Variants in TLN2 observed in about 807,000 individuals in gnomAD.
TLN2 encodes the protein talin-2.
TLN2 carries 118 observed loss-of-function variants against 294.7 expected under a neutral mutation model. The observed-to-expected ratio is 0.40, with a 90% confidence interval of 0.34 to 0.47. The LOEUF is 0.47. Ranked by LOEUF, TLN2 falls within the 20% of genes least tolerant of loss-of-function variation. The probability of loss-of-function intolerance (pLI) is 0.84; values close to 1 mark genes in which losing one functional copy is unlikely to be tolerated. For missense variants in TLN2, 3,083 were observed against 3,282.2 expected (o/e 0.94, Z 1.48); for synonymous variants, 1,431 against 1,304.5 (o/e 1.10, Z -2.09).
intron 54 of TLN2, among the ~76,000 whole-genome samples, chr15:62,825,777 ATATAT>A (rs1436243488): frequency 9.3e-4 from 23 of 24,654 alleles, no homozygotes; most frequent in African/African-American, 3.2e-3. Flanking sequence ...ATATTATATA[ATATAT>A]TATATATTAT....
At chr15:62,653,022 A>T in intron 6 of TLN2, 140 bp from the exon 7 acceptor site, 1 of 531,420 alleles carries the variant, frequency 1.9e-6, no homozygotes. Flanking sequence ...TGATGTGGCC[A>T]CCTCCCTGAC....
At chr15:62,563,228 C>G (rs1456247327) in intron 1 of TLN2, among the ~76,000 whole-genome samples, 1 of 151,900 alleles carries the variant, frequency 6.6e-6, no homozygotes, top group Non-Finnish European at 1.5e-5. Context: ...TAGAAGTGCT[C>G]CCTGTTCACC....
At chr15:62,411,913 T>A (rs1355501862) in intron 1 of TLN2, among the ~76,000 whole-genome samples, 2 of 152,214 alleles carry the variant, frequency 1.3e-5, no homozygotes, top group African/African-American at 4.8e-5. Flanking sequence ...GGGATGTGGA[T>A]GAACTAGTTC....
At chr15:62,404,027 A>C (rs2033220910) in intron 1 of TLN2, among the ~76,000 whole-genome samples, 1 of 152,148 alleles carries the variant, frequency 6.6e-6, no homozygotes. Flanking sequence ...ATTCTTAATG[A>C]TTGATGAAGG....
intron 1 of TLN2, among the ~76,000 whole-genome samples, chr15:62,456,211 C>G (rs1319159076): frequency 6.6e-6 from 1 of 152,166 alleles, no homozygotes; most frequent in Non-Finnish European, 1.5e-5. Context: ...TGAGTCAGAT[C>G]TAAATATCCA....
At position 62,559,547 on chromosome 15, in the gene TLN2, G is replaced by A. The variant is rs548541009; in HGVS notation, c.-237-30140G>A. On this transcript the variant is annotated intron_variant, in intron 1 of 58. Coordinates refer to ENST00000636159, the MANE Select transcript of TLN2 (RefSeq NM_015059.3). ...ATATCACTAGCACTTTCTTGTGCTCGTGCCACCTATTCTGCAACTATCTAA... is the reference window on the plus strand; with the variant it reads ...ATATCACTAGCACTTTCTTGTGCTCATGCCACCTATTCTGCAACTATCTAA... Among the ~76,000 whole-genome samples the A allele has an allele frequency of 4.7e-4, 71 of 152,266 alleles. No homozygotes were observed. In the South Asian group the frequency reaches 0.014, roughly 30 times the overall value.
chr15:62,450,248 A>C (rs1317121157), intron 1 of TLN2, among the ~76,000 whole-genome samples: 2 of 152,154 alleles, frequency 1.3e-5, no homozygotes, highest in African/African-American at 4.8e-5. Context: ...TGGATGGAGC[A>C]TGAGCGGGGA....
At chr15:62,468,325 TG>T (rs980583272) in intron 1 of TLN2, among the ~76,000 whole-genome samples, 2 of 152,160 alleles carry the variant, frequency 1.3e-5, no homozygotes, top group African/African-American at 4.8e-5. Flanking sequence ...GTGTTGGCTG[TG>T]GGGTCCATGT....
chr15:62,706,722 G>C (rs2059097117), intron 19 of TLN2, among the ~76,000 whole-genome samples: 1 of 152,154 alleles, frequency 6.6e-6, no homozygotes, highest in African/African-American at 2.4e-5. Flanking sequence ...TGTGGCATCT[G>C]GATATGTTTT....
chr15:62,561,611 A>G (rs949926882), intron 1 of TLN2: 1 of 152,214 alleles, frequency 6.6e-6, no homozygotes, highest in African/African-American at 2.4e-5. Context: ...AACATTTCCA[A>G]GCACTAATGA....
intron 2 of TLN2, among the ~76,000 whole-genome samples, chr15:62,607,701 G>A (rs934799626): frequency 3.3e-5 from 5 of 152,164 alleles, no homozygotes; most frequent in Non-Finnish European, 5.9e-5. Context: ...TGACCCCTGT[G>A]TGGAAAAGGC....
intron 4 of TLN2, among the ~76,000 whole-genome samples, chr15:62,648,646 T>C (rs2052218025): frequency 6.6e-6 from 1 of 150,994 alleles, no homozygotes; most frequent in African/African-American, 2.4e-5. Context: ...CTTCCGAGTT[T>C]AAGCGATTCT....
intron 1 of TLN2, among the ~76,000 whole-genome samples, chr15:62,538,975 G>A (rs1374948142): frequency 6.6e-6 from 1 of 152,160 alleles, no homozygotes; most frequent in Non-Finnish European, 1.5e-5. Context: ...AGATCTTAAA[G>A]TATAGTAGCT....
intron 13 of TLN2, among the ~76,000 whole-genome samples, chr15:62,693,744 C>A (rs943681220): frequency 5.9e-5 from 9 of 152,144 alleles, no homozygotes; most frequent in African/African-American, 2.2e-4. Context: ...TGATTTTTTA[C>A]TATGTAAAAT....
intron 2 of TLN2, among the ~76,000 whole-genome samples, chr15:62,610,509 C>T (rs538578745): frequency 6.6e-6 from 1 of 152,226 alleles, no homozygotes; most frequent in Non-Finnish European, 1.5e-5. Flanking sequence ...AGATACATCA[C>T]AGCCTCCTTC....
At chr15:62,467,052 C>T (rs953913447) in intron 1 of TLN2, among the ~76,000 whole-genome samples, 4 of 152,196 alleles carry the variant, frequency 2.6e-5, no homozygotes, top group Non-Finnish European at 4.4e-5. Flanking sequence ...AAACCTCCCT[C>T]GATATAGAGA....
rs28609865 is a variant in TLN2 at position 62,699,044 on chromosome 15, T to C, written c.1587+177T>C. Among the ~76,000 whole-genome samples the C allele has an allele frequency of 9.8e-3, 1,498 of 152,268 alleles. 29 individuals are homozygous for C. Among genetic ancestry groups the C allele is most frequent in the African/African-American group, 0.035 (1,447 of 41,546 alleles). ...TTGCACCCATAGGAGGAGAGAATCA[T>C]AGGGTACTGCTGGCTGTTGGCAGTA... On this transcript the variant is annotated intron_variant, in intron 16 of 58. Coordinates refer to ENST00000636159, the MANE Select transcript of TLN2 (RefSeq NM_015059.3).
chr15:62,654,525 G>A (rs954548245), intron 7 of TLN2, among the ~76,000 whole-genome samples: 14 of 151,998 alleles, frequency 9.2e-5, no homozygotes, highest in Non-Finnish European at 1.6e-4. Flanking sequence ...AGGCTGAGGC[G>A]GGTGGATCAC....
chr15:62,536,248 T>G (rs992169153), intron 1 of TLN2, among the ~76,000 whole-genome samples: 4 of 152,158 alleles, frequency 2.6e-5, no homozygotes, highest in Admixed American at 6.5e-5. Context: ...AGGCCTGGGC[T>G]TTTTTAAAGC....
Sources: allele counts gnomAD v4.1 joint callset (sites outside exome capture counted in the v4.1 genomes callset), GRCh38; gene constraint gnomAD v4.1.1; transcripts MANE v1.5; gene names NCBI Gene and HGNC (gene_info 2026-07-23, HGNC 2026-07-21).